DAB1: variants seen among roughly 807,000 people sequenced by gnomAD.
The protein encoded by DAB1 is DAB adaptor protein 1.
DAB1 carries 15 observed loss-of-function variants against 64.6 expected under a neutral mutation model. The observed-to-expected ratio is 0.23, with a 90% CI of 0.16 to 0.36. The LOEUF is 0.36. Ranked by LOEUF, DAB1 falls within the 10% of genes least tolerant of loss-of-function variation. The pLI, the probability that DAB1 is intolerant of heterozygous loss-of-function variation, is 1.00. For missense variants in DAB1, 596 were observed against 706.7 expected, an observed-to-expected ratio of 0.84 and a Z score of 1.78; for synonymous variants, 235 against 251.9, an observed-to-expected ratio of 0.93 and a Z score of 0.64.
chr1:57,506,640 GCCAT>G (rs1644347365), intron 7 of DAB1, among the ~76,000 whole-genome samples: 1 of 152,162 alleles, frequency 6.6e-6, no homozygotes, highest in Non-Finnish European at 1.5e-5. Context: ...TGCCCATGGT[GCCAT>G]CATTGACCTC....
intron 4 of DAB1, among the ~76,000 whole-genome samples, chr1:58,179,410 G>C (rs1277785888): frequency 6.6e-6 from 1 of 151,848 alleles, no homozygotes; most frequent in Non-Finnish European, 1.5e-5. Context: ...CAACGGATTG[G>C]CATTAATTCT....
intron 4 of DAB1, among the ~76,000 whole-genome samples, chr1:58,214,952 CA>C (rs1658764066): frequency 6.6e-6 from 1 of 152,210 alleles, no homozygotes; most frequent in South Asian, 2.1e-4. Flanking sequence ...TTCCTTCCAG[CA>C]TAGGATTTTC....
intron 6 of DAB1, among the ~76,000 whole-genome samples, chr1:57,820,275 C>A (rs184157628): frequency 6.6e-6 from 1 of 152,294 alleles, no homozygotes; most frequent in Non-Finnish European, 1.5e-5. Flanking sequence ...ATCTTAAAAA[C>A]AATTAATGTC....
intron 7 of DAB1, among the ~76,000 whole-genome samples, chr1:57,577,074 T>G (rs905514751): frequency 6.6e-5 from 10 of 152,168 alleles, no homozygotes; most frequent in African/African-American, 2.2e-4. Flanking sequence ...ATTGTCTGCA[T>G]ACAAATGGAT....
chr1:57,344,119 T>C (rs192064549), intron 1 of DAB1, among the ~76,000 whole-genome samples: 39 of 152,348 alleles, frequency 2.6e-4, no homozygotes, highest in Admixed American at 7.8e-4. Context: ...TCAAGAAAGA[T>C]AATTAACCGG....
intron 1 of DAB1, among the ~76,000 whole-genome samples, chr1:57,413,544 A>G (rs1003692525): frequency 6.6e-6 from 1 of 152,080 alleles, no homozygotes; most frequent in Non-Finnish European, 1.5e-5. Flanking sequence ...GATCGAGACC[A>G]TCATGGCTAA....
At chr1:57,375,772 G>C (rs887931513) in intron 1 of DAB1, among the ~76,000 whole-genome samples, 2 of 152,172 alleles carry the variant, frequency 1.3e-5, no homozygotes, top group African/African-American at 4.8e-5. Flanking sequence ...TTGGATGTAA[G>C]AGCAAGTATT....
chr1:57,206,968 CTTTTTTT>C lies in DAB1; in HGVS notation c.68-61546_68-61540del, dbSNP rs201111039. 8.0e-4 allele frequency among the ~76,000 whole-genome samples: 68 copies of C among 84,490 alleles called. 1 individual carries two copies. The South Asian group carries it at 0.023, about 28-fold the overall frequency. The allele number at this position is 84,490 out of a possible 152,430, so 55.4% of individuals were successfully genotyped here. On this transcript the variant is annotated intron_variant, in intron 2 of 14. Transcript: ENST00000371236. ...CTCTTTCTCTTTCTTTCCTTCCTTC[CTTTTTTT>C]TTTTTTTTTTTTTTTGGAGTTTCGC...
At chr1:58,280,189 C>A (rs1043091474) in intron 4 of DAB1, among the ~76,000 whole-genome samples, 4 of 152,194 alleles carry the variant, frequency 2.6e-5, no homozygotes, top group Middle Eastern at 3.2e-3. Context: ...AGACAGGAGG[C>A]TCCCACCTCC....
intron 7 of DAB1, among the ~76,000 whole-genome samples, chr1:57,533,715 C>A (rs1472672965): frequency 6.7e-6 from 1 of 149,860 alleles, no homozygotes; most frequent in Non-Finnish European, 1.5e-5. Flanking sequence ...TTTAAATATT[C>A]TAATTATCAG....
At chr1:57,324,092 C>G (rs998740662) in intron 1 of DAB1, among the ~76,000 whole-genome samples, 1 of 152,150 alleles carries the variant, frequency 6.6e-6, no homozygotes, top group Admixed American at 6.5e-5. Flanking sequence ...ATAGTCAGAC[C>G]TGGTTAATGT....
At chr1:58,068,350 T>C (rs1648990060) in intron 5 of DAB1, among the ~76,000 whole-genome samples, 1 of 152,184 alleles carries the variant, frequency 6.6e-6, no homozygotes, top group African/African-American at 2.4e-5. Context: ...AATTCACCTA[T>C]ATATAGCGGG....
At chr1:57,140,076 C>T (rs1472467854) in intron 3 of DAB1, among the ~76,000 whole-genome samples, 4 of 152,124 alleles carry the variant, frequency 2.6e-5, no homozygotes, top group African/African-American at 7.2e-5. Context: ...GGCTCATCTC[C>T]CCACAAGATT....
chr1:57,830,101 G>T (rs1174603139), intron 1 of DAB1, among the ~76,000 whole-genome samples: 32 of 152,298 alleles, frequency 2.1e-4, no homozygotes, highest in Middle Eastern at 3.4e-3. Flanking sequence ...AGGCTAGGGA[G>T]AGGAATTAAC....
intron 1 of DAB1, among the ~76,000 whole-genome samples, chr1:57,334,083 C>T (rs1676891245): frequency 6.6e-6 from 1 of 152,170 alleles, no homozygotes; most frequent in South Asian, 2.1e-4. Context: ...GTAAAGGAAA[C>T]CAGGCCAAGT....
At chr1:57,515,148 G>A (rs2101360915) in intron 7 of DAB1, among the ~76,000 whole-genome samples, 1 of 152,184 alleles carries the variant, frequency 6.6e-6, no homozygotes, top group East Asian at 1.9e-4. Context: ...GAAAAGAAAG[G>A]CAAAGCAAAA....
At chr1:58,139,925 T>C (rs531596287) in intron 5 of DAB1, among the ~76,000 whole-genome samples, 1 of 152,308 alleles carries the variant, frequency 6.6e-6, no homozygotes, top group South Asian at 2.1e-4. Flanking sequence ...TATTATTAAA[T>C]AAGATACTCT....
intron 9 of DAB1, among the ~76,000 whole-genome samples, chr1:57,056,716 T>G (rs1198982439): frequency 6.6e-6 from 1 of 151,276 alleles, no homozygotes; most frequent in East Asian, 2.0e-4. Context: ...ATACTAAAAT[T>G]AGCCAGGCGT....
intron 6 of DAB1, among the ~76,000 whole-genome samples, chr1:57,712,663 C>T (rs1407418819): frequency 6.6e-6 from 1 of 152,098 alleles, no homozygotes; most frequent in Non-Finnish European, 1.5e-5. Flanking sequence ...TTGTGTACAA[C>T]CCTGGGGCTG....
Sources: gnomAD v4.1 joint callset for allele counts (sites outside exome capture counted in the v4.1 genomes callset) on GRCh38, gnomAD v4.1.1 for gene constraint, MANE v1.5 for transcripts, NCBI Gene and HGNC (gene_info 2026-07-23, HGNC 2026-07-21) for gene names.